Variants in TOP6BL observed in about 807,000 individuals in gnomAD.
TOP6BL encodes TOP6B like initiator of meiotic double strand breaks, also known as type 2 DNA topoisomerase 6 subunit B-like.
the TOP6BL span, chr11:66,761,704 C>T: frequency 2.4e-6 from 2 of 848,122 alleles, no homozygotes; most frequent in South Asian, 2.8e-5. Context: ...CAAGGAAATC[C>T]ATTAGGTGGT....
the TOP6BL span, among the ~76,000 whole-genome samples, chr11:66,757,920 G>A: frequency 6.6e-6 from 1 of 152,174 alleles, no homozygotes; most frequent in Non-Finnish European, 1.5e-5. Context: ...TTAGCTAAAT[G>A]TAAATAGCCA....
chr11:66,827,339 C>T, the TOP6BL span, among the ~76,000 whole-genome samples: 19 of 152,170 alleles, frequency 1.2e-4, no homozygotes, highest in Admixed American at 3.9e-4. Context: ...CGTGAGCCAC[C>T]GCGCCCAGCC....
At chr11:66,820,900 G>T in the TOP6BL span, among the ~76,000 whole-genome samples, 2 of 152,176 alleles carry the variant, frequency 1.3e-5, no homozygotes, top group African/African-American at 4.8e-5. Context: ...AGGTAGGTGT[G>T]TAAGTTGCTG....
chr11:66,802,385 C>T, the TOP6BL span, among the ~76,000 whole-genome samples: 1 of 152,100 alleles, frequency 6.6e-6, no homozygotes, highest in Admixed American at 6.6e-5. Context: ...AATCTCCTGA[C>T]CTCGTGATCC....
the TOP6BL span, among the ~76,000 whole-genome samples, chr11:66,805,594 A>G: frequency 6.6e-6 from 1 of 151,972 alleles, no homozygotes; most frequent in Admixed American, 6.6e-5. Context: ...CCTAGAGACC[A>G]CAGGTGCATG....
At chr11:66,824,671 G>A in the TOP6BL span, among the ~76,000 whole-genome samples, 2 of 136,398 alleles carry the variant, frequency 1.5e-5, no homozygotes, top group South Asian at 2.3e-4. Context: ...TGTTCAATTC[G>A]CACTTATGAG....
the TOP6BL span, among the ~76,000 whole-genome samples, chr11:66,833,585 G>A: frequency 6.6e-6 from 1 of 152,052 alleles, no homozygotes; most frequent in Non-Finnish European, 1.5e-5. Context: ...GACTCCTCAG[G>A]ATCTAGGAGT....
the TOP6BL span, chr11:66,796,186 G>A: frequency 6.5e-6 from 6 of 918,192 alleles, no homozygotes; most frequent in African/African-American, 1.7e-5. Context: ...GCTTTCTGAG[G>A]TATAGTTACT....
the TOP6BL span, among the ~76,000 whole-genome samples, chr11:66,802,224 C>T: frequency 3.3e-5 from 5 of 151,930 alleles, no homozygotes; most frequent in Non-Finnish European, 7.4e-5. Flanking sequence ...CAGATCTCAC[C>T]TCACTGCAAC....
the TOP6BL span, among the ~76,000 whole-genome samples, chr11:66,746,430 T>TA: frequency 4.4e-4 from 66 of 151,382 alleles, 3 homozygotes; most frequent in South Asian, 0.014. Flanking sequence ...CTGAAAAAAA[T>TA]ACAAAAATTA....
the TOP6BL span, among the ~76,000 whole-genome samples, chr11:66,796,516 AT>A: frequency 3.9e-5 from 6 of 152,286 alleles, no homozygotes; most frequent in African/African-American, 1.4e-4. Flanking sequence ...ATGGTGGCTC[AT>A]ACCTGTAATC....
chr11:66,757,986 C>T, the TOP6BL span: 1 of 243,124 alleles, frequency 4.1e-6, no homozygotes, highest in East Asian at 1.8e-4. Context: ...TGTTGCCTCT[C>T]ACTCTAGTTC....
At chr11:66,797,582 G>A in the TOP6BL span, among the ~76,000 whole-genome samples, 2 of 151,702 alleles carry the variant, frequency 1.3e-5, no homozygotes, top group South Asian at 4.2e-4. Flanking sequence ...TCGGCTCACT[G>A]CAGCCTCTAC....
the TOP6BL span, among the ~76,000 whole-genome samples, chr11:66,829,219 C>CT: frequency 1.3e-5 from 2 of 151,986 alleles, no homozygotes; most frequent in East Asian, 3.9e-4. Context: ...AATTCTGTCT[C>CT]TACTAAAAAT....
the TOP6BL span, chr11:66,822,587 ACT>A: frequency 1.3e-6 from 2 of 1,552,082 alleles, no homozygotes; most frequent in Non-Finnish European, 1.7e-6. Context: ...TACAGGCCTC[ACT>A]CTCAGTGGCT....
the TOP6BL span, among the ~76,000 whole-genome samples, chr11:66,840,090 C>T: frequency 1.3e-5 from 2 of 152,152 alleles, no homozygotes; most frequent in African/African-American, 2.4e-5. Context: ...GCTGTTCTGT[C>T]CTACAGACCT....
At chr11:66,822,980 C>T in the TOP6BL span, among the ~76,000 whole-genome samples, 1 of 148,294 alleles carries the variant, frequency 6.7e-6, no homozygotes, top group South Asian at 2.1e-4. Flanking sequence ...GCCTGGGCAA[C>T]AGACTGAGAC....
At chr11:66,836,260 A>G in the TOP6BL span, among the ~76,000 whole-genome samples, 9 of 152,088 alleles carry the variant, frequency 5.9e-5, no homozygotes, top group Non-Finnish European at 1.3e-4. Context: ...TCTGTTGCCC[A>G]GGCTGGAGTG....
the TOP6BL span, among the ~76,000 whole-genome samples, chr11:66,840,764 C>T: frequency 9.0e-3 from 1,374 of 152,326 alleles, 23 homozygotes; most frequent in African/African-American, 0.031. Context: ...CAAAATTTGG[C>T]ACTGTAAGGC....
Sources: gnomAD v4.1 joint callset for allele counts (sites outside exome capture counted in the v4.1 genomes callset) on GRCh38, gnomAD v4.1.1 for gene constraint, MANE v1.5 for transcripts, NCBI Gene and HGNC (gene_info 2026-07-23, HGNC 2026-07-21) for gene names.